The following COL4A2 variants were observed in gnomAD, a reference collection of about 807,000 sequenced individuals.
The protein encoded by COL4A2 is collagen type IV alpha 2 chain.
Under a neutral mutation model 200.2 loss-of-function variants are expected in COL4A2, and 99 were observed. That is an observed-to-expected ratio of 0.49 (90% CI 0.42 to 0.58). The LOEUF (loss-of-function observed/expected upper bound fraction) is 0.58, where lower values mean the gene tolerates loss of function less well. Among genes scored for constraint, COL4A2 ranks in the 20% least tolerant of loss-of-function variants. COL4A2 has a pLI of 0.00. For missense variants in COL4A2, 1,950 were observed against 2,314.1 expected (o/e 0.84, Z 3.23); for synonymous variants, 897 against 900.6 (o/e 1.00, Z 0.07).
At chr13:110,467,886 C>T (rs1424266623) in intron 27 of COL4A2, among the ~76,000 whole-genome samples, 1 of 152,246 alleles carries the variant, frequency 6.6e-6, no homozygotes, top group Non-Finnish European at 1.5e-5. Context: ...ATGTCTCTTC[C>T]ACTCGGCCTG....
At chr13:110,497,800 G>A (rs1883514615) in intron 40 of COL4A2, among the ~76,000 whole-genome samples, 1 of 146,734 alleles carries the variant, frequency 6.8e-6, no homozygotes, top group Non-Finnish European at 1.5e-5. Context: ...TGAGGATCTG[G>A]GGTCAGTCCA....
At chr13:110,325,836 T>G (rs1013840854) in intron 3 of COL4A2, among the ~76,000 whole-genome samples, 1 of 151,370 alleles carries the variant, frequency 6.6e-6, no homozygotes, top group African/African-American at 2.4e-5. Context: ...CAGGCTGGAG[T>G]GCAGTGTTGA....
rs78713113 is a variant in COL4A2 at position 110,424,882 on chromosome 13, G to T, written c.315+14G>T. The T allele has an allele frequency of 3.8e-3, 6,181 of 1,614,116 alleles. 198 individuals are homozygous for T. In the African/African-American group the frequency reaches 0.072, roughly 19 times the overall value. The stretch of plus-strand genomic sequence containing the variant: ...AAGGGCGACGTGGTACGCACCGCTG[G>T]TGTATTCCCCTGGCCTCATGAGGGT... On this transcript the variant is annotated intron_variant, in intron 5 of 47. Transcript: ENST00000360467.
chr13:110,427,640 T>A (rs1217422519), intron 6 of COL4A2, among the ~76,000 whole-genome samples: 3 of 152,220 alleles, frequency 2.0e-5, no homozygotes, highest in Non-Finnish European at 4.4e-5. Flanking sequence ...CAAAACAGGC[T>A]GTGGCCAGGT....
At position 110,450,301 on chromosome 13, in the gene COL4A2, T is replaced by G. The variant is rs1425924766; in HGVS notation, c.1190-4T>G. 5 of 1,612,964 alleles carry G rather than the reference T, an allele frequency of 3.1e-6. No individual in the cohort carries two copies. Among genetic ancestry groups the G allele is most frequent in the Non-Finnish European group, 4.2e-6 (5 of 1,179,286 alleles). ...CGCTGCAGGTGAATGCTGTTTGGTTTCAGATCAGAGGAGAGGCCTGCCGGG... is the reference window on the plus strand; with the variant it reads ...CGCTGCAGGTGAATGCTGTTTGGTTGCAGATCAGAGGAGAGGCCTGCCGGG... On this transcript the variant is annotated splice_polypyrimidine_tract_variant and splice_region_variant and intron_variant, in intron 19 of 47. Coordinates refer to ENST00000360467, the MANE Select transcript of COL4A2 (RefSeq NM_001846.4).
intron 27 of COL4A2, chr13:110,468,373 T>C (rs913423305): frequency 8.5e-6 from 4 of 468,866 alleles, no homozygotes; most frequent in African/African-American, 4.0e-5. Flanking sequence ...ACCCCCAAAA[T>C]GGTGACAACT....
intron 3 of COL4A2, among the ~76,000 whole-genome samples, chr13:110,347,090 A>G (rs538419229): frequency 3.9e-4 from 60 of 152,308 alleles, no homozygotes; most frequent in African/African-American, 1.4e-3. Context: ...TGAACTGTGA[A>G]GAAGTGGCCA....
intron 3 of COL4A2, among the ~76,000 whole-genome samples, chr13:110,352,816 G>A (rs1034630304): frequency 6.6e-6 from 1 of 152,162 alleles, no homozygotes; most frequent in Admixed American, 6.5e-5. Flanking sequence ...AACTGGTCCC[G>A]CCAGGCCTTG....
At chr13:110,310,258 C>G (rs949131835) in intron 3 of COL4A2, among the ~76,000 whole-genome samples, 3 of 152,186 alleles carry the variant, frequency 2.0e-5, no homozygotes, top group African/African-American at 7.2e-5. Context: ...GCCCCCTAGA[C>G]CCCCAGACCT....
At chr13:110,443,547 G>A (rs1437142196) in intron 16 of COL4A2, among the ~76,000 whole-genome samples, 1 of 152,164 alleles carries the variant, frequency 6.6e-6, no homozygotes, top group East Asian at 1.9e-4. Flanking sequence ...TCATATATAT[G>A]ACCTCACTGA....
rs1880968796 is a variant in COL4A2, at chr13:110,438,131, C to T, written c.861+94C>T. Reference sequence around the variant, plus strand: ...CGGGGTGCACCATGCGCTCGGGGCCCGCACACCGCCAGTCTCTCATCCCCT... The same window carrying T: ...CGGGGTGCACCATGCGCTCGGGGCCTGCACACCGCCAGTCTCTCATCCCCT... On this transcript the variant is annotated intron_variant, in intron 14 of 47. Transcript: ENST00000360467. 9 of 929,066 alleles carry T rather than the reference C, an allele frequency of 9.7e-6. No homozygotes were observed. In the Admixed American group the frequency reaches 1.0e-4, roughly 11 times the overall value. 57.6% of individuals were successfully genotyped at this position (929,066 alleles called of 1,614,324 possible).
chr13:110,423,533 C>A (rs1445079687), intron 4 of COL4A2, among the ~76,000 whole-genome samples: 1 of 152,012 alleles, frequency 6.6e-6, no homozygotes, highest in Non-Finnish European at 1.5e-5. Context: ...GTATTAAGTT[C>A]CAGGGTACTA....
In COL4A2 at chr13:110,447,114, A is replaced by G. The variant is rs61290409; in HGVS notation, c.1078+250A>G. Among the ~76,000 whole-genome samples the G allele has an allele frequency of 0.011, 1,605 of 152,338 alleles. 30 individuals carry two copies. Among genetic ancestry groups the G allele is most frequent in the African/African-American group, 0.036 (1,480 of 41,566 alleles). On this transcript the variant is annotated intron_variant, in intron 18 of 47. Transcript: ENST00000360467. ...GTGCCTGAGACAGTCCTCACCACCT[A>G]CACGTGAGAAATCCCCTCCGTTGGG... is the stretch of plus-strand genomic sequence containing the variant.
chr13:110,484,150 T>C lies in COL4A2; in HGVS notation c.2903-755T>C, dbSNP rs1369440929. The stretch of plus-strand genomic sequence containing the variant: ...GTAATTTTCAGCTCCATGGTAATTA[T>C]TTCCTCGAGCCTCCTTAGGGTGAAG... On this transcript the variant is annotated intron_variant, in intron 32 of 47. Transcript: ENST00000360467. 2.6e-5 allele frequency among the ~76,000 whole-genome samples: 4 copies of C among 152,158 alleles called. No individual in the cohort carries two copies. The East Asian group carries it at 5.8e-4, about 22-fold the overall frequency.
chr13:110,473,401 T>C (rs1179647453), intron 29 of COL4A2: 1 of 460,790 alleles, frequency 2.2e-6, no homozygotes, highest in African/African-American at 2.0e-5. Flanking sequence ...TGATGTAATC[T>C]GTTGTCAAGT....
intron 3 of COL4A2, among the ~76,000 whole-genome samples, chr13:110,314,919 C>T: frequency 6.6e-6 from 1 of 152,172 alleles, no homozygotes; most frequent in East Asian, 1.9e-4. Flanking sequence ...TAGAAAGGGA[C>T]AGGCCATGGC....
At chr13:110,474,616 A>G (rs1377241437) in intron 29 of COL4A2, among the ~76,000 whole-genome samples, 1 of 152,182 alleles carries the variant, frequency 6.6e-6, no homozygotes, top group East Asian at 1.9e-4. Flanking sequence ...ACATGATCAC[A>G]TACACACATG....
intron 20 of COL4A2, among the ~76,000 whole-genome samples, chr13:110,451,255 T>C (rs1193866115): frequency 6.6e-6 from 1 of 152,222 alleles, no homozygotes; most frequent in Admixed American, 6.5e-5. Flanking sequence ...CAGAGAGTTA[T>C]GCTTTAAAGA....
At chr13:110,490,161 G>C (rs1042845130) in intron 36 of COL4A2, among the ~76,000 whole-genome samples, 4 of 152,170 alleles carry the variant, frequency 2.6e-5, no homozygotes, top group Non-Finnish European at 2.9e-5. Context: ...AACAGCGAAG[G>C]GTCCAGGAAA....
Sources: allele counts gnomAD v4.1 joint callset (sites outside exome capture counted in the v4.1 genomes callset), GRCh38; gene constraint gnomAD v4.1.1; transcripts MANE v1.5; gene names NCBI Gene and HGNC (gene_info 2026-07-23, HGNC 2026-07-21).